The following DNAH3 variants were observed in gnomAD, a reference collection of about 807,000 sequenced individuals.
The protein encoded by DNAH3 is axonemal beta dynein heavy chain 3.
A neutral mutation model predicts 432.5 loss-of-function variants in DNAH3; 332 were observed. The observed-to-expected ratio is 0.77, with a 90% confidence interval of 0.70 to 0.84. The LOEUF is 0.84. Among genes scored for constraint, DNAH3 ranks in the 40% least tolerant of loss-of-function variants. The pLI is 0.00. For missense variants in DNAH3, 4,861 were observed against 5,114.0 expected (o/e 0.95, Z 1.51); for synonymous variants, 1,956 against 1,900.2 (o/e 1.03, Z -0.76).
intron 1 of DNAH3, among the ~76,000 whole-genome samples, chr16:21,148,040 C>T (rs188954497): frequency 1.3e-5 from 2 of 152,190 alleles, no homozygotes; most frequent in East Asian, 1.9e-4. Context: ...GACTTAACTC[C>T]TATATAAGAT....
intron 11 of DNAH3, among the ~76,000 whole-genome samples, chr16:21,119,397 A>G (rs1257671988): frequency 6.6e-6 from 1 of 151,966 alleles, no homozygotes; most frequent in Non-Finnish European, 1.5e-5. Flanking sequence ...TTTGGGAGGC[A>G]GAGGCAGGCA....
At chr16:21,086,145 A>T (rs2091364184) in intron 19 of DNAH3, among the ~76,000 whole-genome samples, 1 of 152,192 alleles carries the variant, frequency 6.6e-6, no homozygotes, top group African/African-American at 2.4e-5. Flanking sequence ...AATTCCATAC[A>T]GAGCGACTCC....
intron 21 of DNAH3, among the ~76,000 whole-genome samples, chr16:21,074,234 G>C: frequency 6.6e-6 from 1 of 152,158 alleles, no homozygotes; most frequent in Non-Finnish European, 1.5e-5. Context: ...CATGCAGCCT[G>C]GGGAAGGAGG....
intron 41 of DNAH3, among the ~76,000 whole-genome samples, chr16:21,005,179 TTCTTTC>T (rs1171537121): frequency 2.6e-4 from 39 of 151,672 alleles, no homozygotes; most frequent in African/African-American, 8.7e-4. Context: ...CTTTTTCTTT[TTCTTTC>T]TCTTTCTCTC....
exon 7 of DNAH3, chr16:21,134,352 T>G: frequency 6.2e-7 from 1 of 1,614,142 alleles, no homozygotes; most frequent in African/African-American, 1.3e-5. Context: ...GTAGACACTG[T>G]GCCAGGGCAC....
intron 52 of DNAH3, 53 bp downstream of exon 52, chr16:20,969,739 C>A: frequency 6.3e-7 from 1 of 1,590,930 alleles, no homozygotes; most frequent in South Asian, 1.1e-5. Flanking sequence ...TGCTGGCACC[C>A]CACTGCCAGG....
At chr16:21,051,926 G>T in intron 28 of DNAH3, 58 bp from the exon 29 acceptor site, 1 of 1,425,730 alleles carries the variant, frequency 7.0e-7, no homozygotes, top group Non-Finnish European at 9.9e-7. Context: ...CTCCATCTTT[G>T]TAAGCTCCTC....
chr16:20,963,262 T>G, intron 53 of DNAH3, 22 bp downstream of exon 53: 1 of 1,604,710 alleles, frequency 6.2e-7, no homozygotes, highest in Non-Finnish European at 8.5e-7. Flanking sequence ...TCCACGTCTC[T>G]CCCACAACAC....
intron 15 of DNAH3, among the ~76,000 whole-genome samples, chr16:21,104,964 C>G (rs1004351395): frequency 6.6e-6 from 1 of 152,172 alleles, no homozygotes; most frequent in Admixed American, 6.5e-5. Context: ...GATTGATGCT[C>G]TCGTTCCACA....
At chr16:20,998,256 T>A (rs535986220) in intron 43 of DNAH3, among the ~76,000 whole-genome samples, 1 of 152,120 alleles carries the variant, frequency 6.6e-6, no homozygotes, top group South Asian at 2.1e-4. Flanking sequence ...TTTTGTTTGT[T>A]TGTTTTGTTT....
intron 14 of DNAH3, among the ~76,000 whole-genome samples, chr16:21,109,732 CTCTT>C (rs1397833591): frequency 1.3e-5 from 2 of 150,486 alleles, no homozygotes; most frequent in Admixed American, 6.7e-5. Context: ...GCATACCTCT[CTCTT>C]TTTTTTTTTT....
At chr16:20,984,843 C>A (rs903239672) in intron 48 of DNAH3, among the ~76,000 whole-genome samples, 1 of 151,084 alleles carries the variant, frequency 6.6e-6, no homozygotes, top group African/African-American at 2.4e-5. Flanking sequence ...CCAGCCTGGG[C>A]AACAGAGCAA....
intron 57 of DNAH3, among the ~76,000 whole-genome samples, chr16:20,945,286 A>G (rs926432236): frequency 4.6e-5 from 7 of 152,180 alleles, no homozygotes; most frequent in South Asian, 2.1e-4. Context: ...CTGTTTACAG[A>G]TGTCATGACA....
intron 3 of DNAH3, among the ~76,000 whole-genome samples, chr16:21,144,409 C>T (rs1339002873): frequency 6.6e-6 from 1 of 152,128 alleles, no homozygotes; most frequent in African/African-American, 2.4e-5. Flanking sequence ...ACCCGTGTGG[C>T]AAGAAACTGG....
intron 18 of DNAH3, among the ~76,000 whole-genome samples, chr16:21,095,135 A>T (rs574353685): frequency 1.8e-4 from 28 of 152,374 alleles, no homozygotes; most frequent in African/African-American, 6.5e-4. Flanking sequence ...CGGCACAGCC[A>T]CTGTGGAAAA....
chr16:20,989,927 T>C (rs894654289), intron 44 of DNAH3, among the ~76,000 whole-genome samples: 5 of 152,334 alleles, frequency 3.3e-5, no homozygotes, highest in Admixed American at 3.3e-4. Context: ...GCCGGCCGGC[T>C]GCTCCGAGTG....
rs746112848 is a variant in DNAH3 at position 21,042,221 on chromosome 16, G to T, written c.4462-18C>A. 6 of 1,572,660 alleles carry T rather than the reference G, an allele frequency of 3.8e-6. No individual in the cohort carries two copies. Among genetic ancestry groups the T allele is most frequent in the Non-Finnish European group, 5.2e-6 (6 of 1,160,660 alleles). ...ACTTCTACCTGGGGTGAGAATGCCC[G>T]GCTGATAAGAGCATCTGCTTCTGTC... On this transcript the variant is annotated intron_variant, in intron 31 of 61. Transcript: ENST00000261383.
In DNAH3 at chr16:21,044,177, A is replaced by G. The variant is rs200653265; in HGVS notation, c.4462-1974T>C. On this transcript the variant is annotated intron_variant, in intron 31 of 61. Transcript: ENST00000261383. ...GCGGGCTCTTTTTTGGTTCCATATGAACTTTAAAGTAGTTTTTTCCAATTC... is the reference window on the plus strand; with the variant it reads ...GCGGGCTCTTTTTTGGTTCCATATGGACTTTAAAGTAGTTTTTTCCAATTC... 1.2e-3 allele frequency among the ~76,000 whole-genome samples: 149 copies of G among 121,670 alleles called. 3 individuals are homozygous for G. The East Asian group carries it at 0.033, about 27-fold the overall frequency. 79.8% of individuals were successfully genotyped at this position (121,670 alleles called of 152,430 possible). A position where few individuals can be genotyped will look rare whatever the true frequency, so the allele number is the denominator to read the frequency against.
chr16:21,144,330 CTCTT>C (rs1272167158), intron 3 of DNAH3, among the ~76,000 whole-genome samples: 3 of 152,188 alleles, frequency 2.0e-5, no homozygotes, highest in Non-Finnish European at 2.9e-5. Context: ...CTGGCTCTCT[CTCTT>C]TCTCTCCCCC....
Sources: gnomAD v4.1 joint callset for allele counts (sites outside exome capture counted in the v4.1 genomes callset) on GRCh38, gnomAD v4.1.1 for gene constraint, MANE v1.5 for transcripts, NCBI Gene and HGNC (gene_info 2026-07-23, HGNC 2026-07-21) for gene names.